CSTPP1: variants seen among roughly 807,000 people sequenced by gnomAD.
CSTPP1 encodes the protein centriolar satellite-associated tubulin polyglutamylase complex regulator 1.
At chr11:47,039,399 G>T in the CSTPP1 span, among the ~76,000 whole-genome samples, 7 of 127,804 alleles carry the variant, frequency 5.5e-5, 2 homozygotes, top group Non-Finnish European at 1.1e-4. Flanking sequence ...GCAGGCTGAG[G>T]CAGGAGAATC....
the CSTPP1 span, among the ~76,000 whole-genome samples, chr11:46,962,107 T>A: frequency 6.6e-6 from 1 of 152,086 alleles, no homozygotes; most frequent in Admixed American, 6.6e-5. Context: ...ATGGAGGTAA[T>A]CACCCCCATG....
chr11:47,078,205 CAGTG>C, the CSTPP1 span, among the ~76,000 whole-genome samples: 1 of 152,164 alleles, frequency 6.6e-6, no homozygotes, highest in Non-Finnish European at 1.5e-5. Flanking sequence ...ACAGAGGACT[CAGTG>C]AGTTTTGTTA....
the CSTPP1 span, among the ~76,000 whole-genome samples, chr11:47,035,012 A>G: frequency 2.6e-5 from 4 of 152,278 alleles, no homozygotes; most frequent in Admixed American, 2.6e-4. Context: ...TTCTCAGATC[A>G]TATTAGGGTC....
the CSTPP1 span, chr11:47,052,333 A>T: frequency 6.4e-7 from 1 of 1,557,114 alleles, no homozygotes; most frequent in South Asian, 1.2e-5. Context: ...TTTCATTCTG[A>T]TTCCAGCCTT....
chr11:46,991,763 CAG>C, the CSTPP1 span: 1 of 152,094 alleles, frequency 6.6e-6, no homozygotes, highest in Non-Finnish European at 1.5e-5. Flanking sequence ...TTTTTTGAGG[CAG>C]AGTCTCCCTC....
chr11:46,970,989 A>C, the CSTPP1 span, among the ~76,000 whole-genome samples: 1 of 152,240 alleles, frequency 6.6e-6, no homozygotes, highest in South Asian at 2.1e-4. Flanking sequence ...TATTAAGTGA[A>C]AAAATGAGTT....
chr11:47,076,697 T>C, the CSTPP1 span, among the ~76,000 whole-genome samples: 1 of 151,720 alleles, frequency 6.6e-6, no homozygotes, highest in East Asian at 1.9e-4. Context: ...AAAAATCAGC[T>C]GGCCATGGTG....
the CSTPP1 span, among the ~76,000 whole-genome samples, chr11:46,983,031 C>A: frequency 6.6e-6 from 1 of 152,104 alleles, no homozygotes; most frequent in Non-Finnish European, 1.5e-5. Flanking sequence ...CTCAAGAACC[C>A]ATATTCTTAA....
the CSTPP1 span, among the ~76,000 whole-genome samples, chr11:46,960,783 C>CAG: frequency 6.6e-6 from 1 of 151,840 alleles, no homozygotes; most frequent in Non-Finnish European, 1.5e-5. Context: ...ATCCAGTAGG[C>CAG]AGAGGTTGCA....
chr11:46,982,811 G>A, the CSTPP1 span, among the ~76,000 whole-genome samples: 1 of 152,142 alleles, frequency 6.6e-6, no homozygotes, highest in African/African-American at 2.4e-5. Flanking sequence ...AAGGGGGTAA[G>A]GGGCTAATAT....
the CSTPP1 span, among the ~76,000 whole-genome samples, chr11:46,964,070 A>C: frequency 6.6e-6 from 1 of 151,982 alleles, no homozygotes; most frequent in East Asian, 1.9e-4. Flanking sequence ...CGTTACCTTC[A>C]ATTCTTTCTC....
At chr11:47,001,751 T>G in the CSTPP1 span, among the ~76,000 whole-genome samples, 1 of 152,178 alleles carries the variant, frequency 6.6e-6, no homozygotes, top group African/African-American at 2.4e-5. Flanking sequence ...AATCAGGGCA[T>G]AAACATTCAT....
chr11:47,162,252 T>C, the CSTPP1 span: 8,845 of 985,472 alleles, frequency 9.0e-3, 49 homozygotes, highest in Non-Finnish European at 9.9e-3. Context: ...TGGTAACTGG[T>C]GAGTCTAAAG....
At chr11:46,983,398 A>C in the CSTPP1 span, among the ~76,000 whole-genome samples, 2 of 152,182 alleles carry the variant, frequency 1.3e-5, no homozygotes, top group Admixed American at 6.5e-5. Flanking sequence ...ATGCTATCTG[A>C]GCAAGACATG....
the CSTPP1 span, among the ~76,000 whole-genome samples, chr11:47,107,408 T>A: frequency 6.6e-6 from 1 of 152,138 alleles, no homozygotes; most frequent in East Asian, 1.9e-4. Flanking sequence ...AGAAACAGGA[T>A]CTTTTGTTCT....
At chr11:47,155,562 A>C in the CSTPP1 span, 2 of 458,692 alleles carry the variant, frequency 4.4e-6, no homozygotes, top group Non-Finnish European at 7.9e-6. Context: ...CATCCACAGC[A>C]TTCACTGCTT....
At chr11:47,071,400 G>A in the CSTPP1 span, among the ~76,000 whole-genome samples, 1 of 152,168 alleles carries the variant, frequency 6.6e-6, no homozygotes, top group Admixed American at 6.5e-5. Context: ...ATAAAATGGA[G>A]AATATACTAC....
At chr11:47,078,362 G>A in the CSTPP1 span, among the ~76,000 whole-genome samples, 2 of 152,164 alleles carry the variant, frequency 1.3e-5, no homozygotes, top group African/African-American at 4.8e-5. Context: ...AGAAAGAGGA[G>A]GTAATGAGCA....
the CSTPP1 span, among the ~76,000 whole-genome samples, chr11:46,984,836 G>C: frequency 2.6e-5 from 4 of 151,980 alleles, no homozygotes; most frequent in Admixed American, 2.6e-4. Context: ...TATAAGATCA[G>C]GATAAACCGA....
Sources: gnomAD v4.1 joint callset for allele counts (sites outside exome capture counted in the v4.1 genomes callset) on GRCh38, gnomAD v4.1.1 for gene constraint, MANE v1.5 for transcripts, NCBI Gene and HGNC (gene_info 2026-07-23, HGNC 2026-07-21) for gene names.